Variants in CREBRF observed in about 807,000 individuals in gnomAD.
The protein encoded by CREBRF is UPF0474 protein C5orf41.
A neutral mutation model predicts 66.1 loss-of-function variants in CREBRF; 5 were observed. The observed-to-expected ratio is 0.08, with a 90% CI of 0.04 to 0.16. CREBRF has a LOEUF of 0.16. CREBRF is among the 10% of genes least tolerant of loss of function. The pLI is 1.00. For missense variants in CREBRF, 531 were observed against 744.9 expected, an observed-to-expected ratio of 0.71 and a Z score of 3.34; for synonymous variants, 229 against 264.4, an observed-to-expected ratio of 0.87 and a Z score of 1.30.
intron 8 of CREBRF, among the ~76,000 whole-genome samples, chr5:173,125,072 C>T (rs1290788266): frequency 6.6e-6 from 1 of 152,012 alleles, no homozygotes; most frequent in Non-Finnish European, 1.5e-5. Flanking sequence ...GCACCCACCA[C>T]CACACCTGGC....
In CREBRF at chr5:173,088,958, C is replaced by T. The variant is rs560187972; in HGVS notation, c.136-1357C>T. Among the ~76,000 whole-genome samples, 27 of 152,086 alleles carry T rather than the reference C, an allele frequency of 1.8e-4. No homozygotes were observed. The East Asian group carries it at 5.2e-3, about 29-fold the overall frequency. ...CTTTGGGAGGCTGAGGCAGGTGGAT[C>T]ACAAGGTCAGGAGTTCAAGACCAGC... is the stretch of plus-strand genomic sequence containing the variant. On this transcript the variant is annotated intron_variant, in intron 3 of 8. Transcript: ENST00000296953.
intron 8 of CREBRF, 21 bp from the exon 9 acceptor site, chr5:173,133,609 G>GC: frequency 7.0e-7 from 1 of 1,429,744 alleles, no homozygotes; most frequent in Non-Finnish European, 9.8e-7. Flanking sequence ...GTCTAGATGT[G>GC]CCTTTTATTC....
At chr5:173,066,650 C>T (rs1757443968) in intron 1 of CREBRF, among the ~76,000 whole-genome samples, 1 of 152,100 alleles carries the variant, frequency 6.6e-6, no homozygotes, top group South Asian at 2.1e-4. Flanking sequence ...TGCACTCGCC[C>T]TTGGCTCCAG....
chr5:173,090,775 A>G lies in CREBRF; in HGVS notation c.596A>G (p.Asp199Gly). 1 of 1,614,156 alleles carries G rather than the reference A, an allele frequency of 6.2e-7. No homozygotes were observed. The highest frequency in any genetic ancestry group is 8.5e-7 in the Non-Finnish European group (1 of 1,180,028). Residue 199 changes from aspartate (D) to glycine (G), a missense_variant, in exon 4 of 9, where the codon GAC becomes GGC. Transcript: ENST00000296953. This position sits in a 1 kb window ranked among gnomAD's most constrained non-coding sequence, Gnocchi z 4.5. ...CTGCAGGCTGAGGTCCCTTTGTCAG[A>G]CTGTGTCCAAAAAGCAAGTAAACCC... ...KTLQAEVPLS[D>G]CVQKASKPTS...
chr5:173,086,488 C>A lies in CREBRF; in HGVS notation c.10-13C>A. The A allele has an allele frequency of 6.2e-7, 1 of 1,609,464 alleles. No homozygotes were observed. The highest frequency in any genetic ancestry group is 1.7e-5 in the Admixed American group (1 of 58,700). The stretch of plus-strand genomic sequence containing the variant: ...GTCTTTAACTTTCTAAAATAAAAAT[C>A]ACTCTGTTGTAGCCTAGTGTAAGCG... On this transcript the variant is annotated splice_polypyrimidine_tract_variant and intron_variant, in intron 2 of 8. Coordinates refer to ENST00000296953, the MANE Select transcript of CREBRF (RefSeq NM_153607.3).
At chr5:173,132,754 C>T (rs1210096407) in intron 8 of CREBRF, among the ~76,000 whole-genome samples, 1 of 149,108 alleles carries the variant, frequency 6.7e-6, no homozygotes, top group Non-Finnish European at 1.5e-5. Context: ...CATGTGCCAC[C>T]ACACCTGGGT....
intron 4 of CREBRF, among the ~76,000 whole-genome samples, chr5:173,105,223 ATATGTG>A (rs1269714778): frequency 2.2e-5 from 3 of 135,956 alleles, no homozygotes; most frequent in Non-Finnish European, 4.7e-5. Flanking sequence ...ATGTGTGTAT[ATATGTG>A]TGTGTGTGTG....
At chr5:173,069,428 A>G (rs1371048952) in intron 1 of CREBRF, among the ~76,000 whole-genome samples, 1 of 151,926 alleles carries the variant, frequency 6.6e-6, no homozygotes, top group Non-Finnish European at 1.5e-5. Context: ...GGTTCAAGCA[A>G]TTCCCCCATC....
chr5:173,090,973 G>A lies in CREBRF; in HGVS notation c.794G>A (p.Cys265Tyr), dbSNP rs1221680122. 2 of 1,614,206 alleles carry A rather than the reference G, an allele frequency of 1.2e-6. No homozygotes were observed. Among genetic ancestry groups the A allele is most frequent in the Non-Finnish European group, 1.7e-6 (2 of 1,180,044 alleles). ...IHTDAAKENT[C>Y]YCGAVAKRQE... ...ACAGATGCAGCAAAGGAGAACACCT[G>A]CTACTGTGGTGCAGTGGCAAAGAGA... is the stretch of plus-strand genomic sequence containing the variant. Residue 265 changes from cysteine to tyrosine, a missense_variant, in exon 4 of 9, where the codon TGC (cysteine) becomes TAC (tyrosine). Cys to Tyr is a radical substitution (Grantham distance 194). Around this residue, in one of 5 missense-constraint regions of CREBRF, gnomAD observed 309 missense variants for 341.4 expected, o/e 0.90. Transcript: ENST00000296953. This position sits in a 1 kb window ranked among gnomAD's most constrained non-coding sequence, Gnocchi z 4.5.
chr5:173,070,527 G>T (rs559442302), intron 1 of CREBRF, among the ~76,000 whole-genome samples: 1 of 152,006 alleles, frequency 6.6e-6, no homozygotes, highest in Admixed American at 6.6e-5. Context: ...ACGAGGGAGA[G>T]AACAATATAA....
intron 2 of CREBRF, among the ~76,000 whole-genome samples, chr5:173,082,596 AAAG>A (rs1230224229): frequency 4.0e-5 from 6 of 151,802 alleles, no homozygotes; most frequent in Non-Finnish European, 7.4e-5. Flanking sequence ...CAAAAAAAAA[AAAG>A]AAAATACTAA....
chr5:173,065,560 A>T (rs1757408335), intron 1 of CREBRF, among the ~76,000 whole-genome samples: 2 of 148,334 alleles, frequency 1.3e-5, no homozygotes, highest in Admixed American at 6.7e-5. Flanking sequence ...TTTCATTCTG[A>T]CTCTATTTGT....
At position 173,106,169 on chromosome 5, in the gene CREBRF, C is replaced by T. The variant is rs957726448; in HGVS notation, c.1223-2455C>T. On this transcript the variant is annotated intron_variant, in intron 4 of 8. Transcript: ENST00000296953. Reference sequence around the variant, plus strand: ...AAGGGGCCAGGTGCGGTGGCTCACACCTGTAATCCCAGCGCTTTGGGAGGC... The same window carrying T: ...AAGGGGCCAGGTGCGGTGGCTCACATCTGTAATCCCAGCGCTTTGGGAGGC... Among the ~76,000 whole-genome samples, 14 of 150,710 alleles carry T rather than the reference C, an allele frequency of 9.3e-5. 1 individual carries two copies. The highest frequency in any genetic ancestry group is 9.2e-4 in the Admixed American group (14 of 15,158).
rs372252881 is a variant in CREBRF at position 173,094,188 on chromosome 5, G to C, written c.1222+2787G>C. On this transcript the variant is annotated intron_variant, in intron 4 of 8. Transcript: ENST00000296953. ...CATTTTCTTTATGTATATGTTCATT[G>C]TTGGCCCCTTTGTTGATTCCTTATC... is the stretch of plus-strand genomic sequence containing the variant. Among the ~76,000 whole-genome samples the C allele has an allele frequency of 1.2e-3, 176 of 152,170 alleles. 4 individuals are homozygous for C. The South Asian group carries it at 0.036, about 31-fold the overall frequency.
intron 4 of CREBRF, 156 bp downstream of exon 4, chr5:173,091,557 T>C: frequency 7.0e-7 from 1 of 1,436,320 alleles, no homozygotes; most frequent in Non-Finnish European, 9.1e-7. Context: ...GGTTTTTCTA[T>C]TCAAATAGCT....
At chr5:173,117,599 T>TTCCTTCCTTCCTTCCCTCCC (rs1759027413) in intron 7 of CREBRF, among the ~76,000 whole-genome samples, 1 of 41,970 alleles carries the variant, frequency 2.4e-5, no homozygotes, top group Admixed American at 2.4e-4. Context: ...CCTTCCTTCC[T>TTCCTTCCTTCCTTCCCTCCC]TCCATCCCTC....
At chr5:173,132,391 A>C in intron 8 of CREBRF, among the ~76,000 whole-genome samples, 4 of 120,654 alleles carry the variant, frequency 3.3e-5, no homozygotes, top group African/African-American at 9.4e-5. Flanking sequence ...CCAGCCGACA[A>C]ATTCTTTTTC....
chr5:173,066,587 T>C (rs916278315), intron 1 of CREBRF, among the ~76,000 whole-genome samples: 1 of 152,160 alleles, frequency 6.6e-6, no homozygotes, highest in Non-Finnish European at 1.5e-5. Flanking sequence ...GTTATATCTC[T>C]AACATTTTTA....
Position 173,076,734 on chromosome 5 carries a change from G to A in CREBRF, c.-191-3851G>A, listed in dbSNP as rs565718536. On this transcript the variant is annotated intron_variant, in intron 1 of 8. Transcript: ENST00000296953. ...TTGCACCACTGCATTCCAGCCTGGG[G>A]GACACAGTCAGTCTCAAAAAAAAAA... is the stretch of plus-strand genomic sequence containing the variant. Among the ~76,000 whole-genome samples the A allele has an allele frequency of 3.4e-5, 5 of 145,684 alleles. No individual in the cohort carries two copies. In the South Asian group the frequency reaches 1.1e-3, roughly 32 times the overall value.
Sources: allele counts gnomAD v4.1 joint callset (sites outside exome capture counted in the v4.1 genomes callset), GRCh38; gene constraint gnomAD v4.1.1; regional missense constraint gnomAD v4.1.1; non-coding constraint Gnocchi (gnomAD v3.1); transcripts MANE v1.5; gene names NCBI Gene and HGNC (gene_info 2026-07-23, HGNC 2026-07-21).